PEX14: variants seen among roughly 807,000 people sequenced by gnomAD.
PEX14 encodes the protein peroxisomal biogenesis factor 14.
A neutral mutation model predicts 49.5 loss-of-function variants in PEX14; 15 were observed. The observed-to-expected ratio is 0.30, with a 90% CI of 0.20 to 0.47. The LOEUF (loss-of-function observed/expected upper bound fraction) is 0.47. Among genes scored for constraint, PEX14 ranks in the 20% least tolerant of loss-of-function variants. The pLI, the probability that PEX14 is intolerant of heterozygous loss-of-function variation, is 1.00. For missense variants in PEX14, 398 were observed against 494.8 expected, an observed-to-expected ratio of 0.80 and a Z score of 1.86; for synonymous variants, 210 against 212.7, an observed-to-expected ratio of 0.99 and a Z score of 0.11.
rs143922080 is a variant in PEX14 at position 10,537,287 on chromosome 1, G to A, written c.169+990G>A. On this transcript the variant is annotated intron_variant, in intron 3 of 8. Transcript: ENST00000356607. ...GGCAGCCCCAAGGCTGGGTCCCTGC[G>A]ACAGAGTTGGTAAGGAGCACTGCAC... 6.3e-3 allele frequency among the ~76,000 whole-genome samples: 869 copies of A among 138,244 alleles called. 15 individuals are homozygous for A. Among genetic ancestry groups the A allele is most frequent in the African/African-American group, 0.022 (832 of 37,358 alleles). The allele number at this position is 138,244 out of a possible 152,430, so 90.7% of individuals were successfully genotyped here.
chr1:10,561,871 A>G (rs1639661111), intron 3 of PEX14, among the ~76,000 whole-genome samples: 2 of 151,594 alleles, frequency 1.3e-5, no homozygotes, highest in Admixed American at 1.3e-4. Flanking sequence ...TTCTCTTCTC[A>G]CTTTCATTTG....
At chr1:10,625,076 C>G (rs1020654131) in intron 7 of PEX14, among the ~76,000 whole-genome samples, 1 of 152,222 alleles carries the variant, frequency 6.6e-6, no homozygotes, top group African/African-American at 2.4e-5. Context: ...AGGCAAGTTA[C>G]TTAACCTCTC....
At chr1:10,554,437 G>A (rs1001565471) in intron 3 of PEX14, among the ~76,000 whole-genome samples, 2 of 152,136 alleles carry the variant, frequency 1.3e-5, no homozygotes, top group Admixed American at 6.6e-5. Context: ...CAGAGCACAC[G>A]CAGAGTCATT....
rs77670832 is a variant in PEX14, at chr1:10,571,116, C to T, written c.170-28122C>T. ...AGGCAGTCCTCCCACCTCGGCCTCC[C>T]AAAGTGTTAGGATTACAGGTGTGAG... On this transcript the variant is annotated intron_variant, in intron 3 of 8. Coordinates refer to ENST00000356607, the MANE Select transcript of PEX14 (RefSeq NM_004565.3). Among the ~76,000 whole-genome samples the T allele has an allele frequency of 8.1e-3, 1,217 of 150,602 alleles. 52 individuals are homozygous for T. The East Asian group carries it at 0.12, about 15-fold the overall frequency.
At chr1:10,555,200 A>G (rs1273808843) in intron 3 of PEX14, among the ~76,000 whole-genome samples, 1 of 151,922 alleles carries the variant, frequency 6.6e-6, no homozygotes, top group Non-Finnish European at 1.5e-5. Flanking sequence ...GTAGCAGTCT[A>G]CTTTGGTGGG....
intron 2 of PEX14, among the ~76,000 whole-genome samples, chr1:10,510,928 C>T (rs1236999012): frequency 2.0e-5 from 3 of 152,306 alleles, no homozygotes; most frequent in East Asian, 1.9e-4. Flanking sequence ...TAACTGAGAC[C>T]TTTATAGCCT....
Position 10,520,148 on chromosome 1 carries a change from C to CTTTTTTTTTTT in PEX14, c.85-16061_85-16051dup, listed in dbSNP as rs565247030. On this transcript the variant is annotated intron_variant, in intron 2 of 8. Coordinates refer to ENST00000356607, the MANE Select transcript of PEX14 (RefSeq NM_004565.3). Reference sequence around the variant, plus strand: ...AGCTGTTGTGCCTGGCCTTCTTCTTCTTTTTTTTTTTTTTGTTTTTTTAAC... The same window carrying CTTTTTTTTTTT: ...AGCTGTTGTGCCTGGCCTTCTTCTTCTTTTTTTTTTTTTTTTTTTTTTTTTGTTTTTTTAAC... Among the ~76,000 whole-genome samples the CTTTTTTTTTTT allele has an allele frequency of 2.9e-3, 203 of 69,170 alleles. 20 individuals are homozygous for CTTTTTTTTTTT. Among genetic ancestry groups the CTTTTTTTTTTT allele is most frequent in the African/African-American group, 7.6e-3 (178 of 23,558 alleles). The allele number at this position is 69,170 out of a possible 152,430, so 45.4% of individuals were successfully genotyped here.
chr1:10,505,146 G>T (rs1416960756), intron 2 of PEX14, among the ~76,000 whole-genome samples: 7 of 152,150 alleles, frequency 4.6e-5, no homozygotes. Context: ...AGTGGATTTT[G>T]ATGGAGAAGG....
intron 3 of PEX14, among the ~76,000 whole-genome samples, chr1:10,574,342 TGTA>T (rs1640062715): frequency 6.6e-6 from 1 of 152,216 alleles, no homozygotes; most frequent in African/African-American, 2.4e-5. Flanking sequence ...TGATCAGAGT[TGTA>T]GTGGCCCCTC....
chr1:10,535,782 T>TGTGC, intron 2 of PEX14: 1 of 318,318 alleles, frequency 3.1e-6, no homozygotes, highest in Non-Finnish European at 6.1e-6. Flanking sequence ...AGAACGTGTG[T>TGTGC]GTGTGTGTGT....
intron 4 of PEX14, among the ~76,000 whole-genome samples, chr1:10,615,013 C>G (rs1641373072): frequency 1.3e-5 from 2 of 152,138 alleles, no homozygotes; most frequent in African/African-American, 4.8e-5. Flanking sequence ...CTTAGAGCTC[C>G]CTGTATAACG....
intron 3 of PEX14, among the ~76,000 whole-genome samples, chr1:10,577,570 T>A (rs1247718487): frequency 0.025 from 108 of 4,386 alleles, 5 homozygotes; most frequent in East Asian, 0.061. Context: ...ATATTTTTTT[T>A]TTTTTTTTTT....
chr1:10,598,932 G>T (rs1036608963), intron 3 of PEX14, among the ~76,000 whole-genome samples: 1 of 151,652 alleles, frequency 6.6e-6, no homozygotes, highest in Admixed American at 6.6e-5. Context: ...GCAGTTGATG[G>T]TATCTGTTTT....
At chr1:10,569,604 C>T (rs1171107133) in intron 3 of PEX14, among the ~76,000 whole-genome samples, 2 of 152,186 alleles carry the variant, frequency 1.3e-5, no homozygotes, top group African/African-American at 4.8e-5. Context: ...GTTGGTAGAA[C>T]AGATCCTCCA....
At chr1:10,577,558 ATATATTTTTTTTTTTTTTTTTTTTTTT>A (rs1640178470) in intron 3 of PEX14, among the ~76,000 whole-genome samples, 1 of 5,270 alleles carries the variant, frequency 1.9e-4, no homozygotes, top group African/African-American at 3.9e-4. Context: ...ATATATATAT[ATATATTTTTTTTTTTTTTTTTTTTTTT>A]TTTTTTTTTT....
At chr1:10,520,584 C>A (rs963145185) in intron 2 of PEX14, among the ~76,000 whole-genome samples, 7 of 152,126 alleles carry the variant, frequency 4.6e-5, no homozygotes, top group African/African-American at 1.2e-4. Flanking sequence ...TTAGGCCTGG[C>A]ATGTTGGAGC....
chr1:10,626,828 A>T, intron 7 of PEX14, among the ~76,000 whole-genome samples: 1 of 152,172 alleles, frequency 6.6e-6, no homozygotes, highest in East Asian at 1.9e-4. Context: ...CAGAAGTAAG[A>T]TGTAGTTCTG....
chr1:10,585,838 G>T (rs1640468377), intron 3 of PEX14, among the ~76,000 whole-genome samples: 1 of 152,264 alleles, frequency 6.6e-6, no homozygotes, highest in Admixed American at 6.5e-5. Context: ...AAAGATTGCG[G>T]TGAGTGGAGA....
At chr1:10,573,464 G>A (rs986633322) in intron 3 of PEX14, among the ~76,000 whole-genome samples, 1 of 152,146 alleles carries the variant, frequency 6.6e-6, no homozygotes, top group Non-Finnish European at 1.5e-5. Context: ...TTATTAAGGA[G>A]CATTTCCAGA....
Sources: gnomAD v4.1 joint callset for allele counts (sites outside exome capture counted in the v4.1 genomes callset) on GRCh38, gnomAD v4.1.1 for gene constraint, MANE v1.5 for transcripts, NCBI Gene and HGNC (gene_info 2026-07-23, HGNC 2026-07-21) for gene names.